The following DIP2C variants were observed in gnomAD, a reference collection of about 807,000 sequenced individuals.
DIP2C encodes the protein disco-interacting protein 2 homolog C.
In DIP2C, 33 loss-of-function variants were observed where a neutral mutation model predicts 192.4. The observed-to-expected ratio is 0.17, with a 90% CI of 0.13 to 0.23. The LOEUF is 0.23. Ranked by LOEUF, DIP2C falls within the 10% of genes least tolerant of loss-of-function variation. The pLI is 1.00. For synonymous variants in DIP2C, 979 were observed against 864.1 expected (o/e 1.13, Z -2.33); for missense variants, 1,537 against 2,110.1 (o/e 0.73, Z 5.32).
At chr10:543,845 T>C (rs1381903266) in intron 1 of DIP2C, among the ~76,000 whole-genome samples, 1 of 152,260 alleles carries the variant, frequency 6.6e-6, no homozygotes, top group Non-Finnish European at 1.5e-5. Flanking sequence ...TCACCACTAG[T>C]ATTTAATTCT....
chr10:566,512 G>C (rs115116850), intron 1 of DIP2C, among the ~76,000 whole-genome samples: 1,755 of 152,346 alleles, frequency 0.012, 42 homozygotes, highest in African/African-American at 0.04. Flanking sequence ...AGTTCAGTTA[G>C]ACTTTGACAC....
At position 568,726 on chromosome 10, in the gene DIP2C, ACTGCGCTCCAGC is replaced by A. The variant is rs1337704794; in HGVS notation, c.86-82208_86-82197del. ...GCTTGCAGTGAGTCGAGATCGCGCC[ACTGCGCTCCAGC>A]CTGGGCGACAGAGGGAAACTCCGTC... On this transcript the variant is annotated intron_variant, in intron 1 of 36. Transcript: ENST00000280886. Among the ~76,000 whole-genome samples the A allele has an allele frequency of 3.9e-5, 5 of 128,592 alleles. No individual in the cohort carries two copies. In the East Asian group the frequency reaches 1.4e-3, roughly 35 times the overall value. 84.4% of individuals were successfully genotyped at this position (128,592 alleles called of 152,430 possible).
chr10:414,732 TGTGTGTGTACATATATATATATATA>T (rs1965443086), intron 7 of DIP2C, among the ~76,000 whole-genome samples: 1 of 85,802 alleles, frequency 1.2e-5, no homozygotes. Context: ...TGTGTGTGTG[TGTGTGTGTACATATATATATATATA>T]ATGTGTATAT....
intron 36 of DIP2C, 146 bp from the exon 37 acceptor site, chr10:277,723 C>T (rs900227722): frequency 4.4e-6 from 5 of 1,129,658 alleles, no homozygotes; most frequent in African/African-American, 3.2e-5. Context: ...CTCCGTCTGC[C>T]GCCCACTAAT....
intron 14 of DIP2C, among the ~76,000 whole-genome samples, chr10:386,625 G>T (rs1449832624): frequency 6.6e-6 from 1 of 152,230 alleles, no homozygotes; most frequent in Non-Finnish European, 1.5e-5. Flanking sequence ...AGCCAGCCGG[G>T]CTGCTCTGCA....
chr10:577,569 G>T (rs1026373129), intron 1 of DIP2C, among the ~76,000 whole-genome samples: 1 of 152,194 alleles, frequency 6.6e-6, no homozygotes, highest in South Asian at 2.1e-4. Flanking sequence ...AACTCTGAAT[G>T]CTCAGAGGAA....
At position 548,173 on chromosome 10, in the gene DIP2C, G is replaced by A. The variant is rs191564648; in HGVS notation, c.86-61643C>T. Among the ~76,000 whole-genome samples, 97 of 141,198 alleles carry A rather than the reference G, an allele frequency of 6.9e-4. 2 individuals carry two copies. The highest frequency in any genetic ancestry group is 2.5e-3 in the African/African-American group (96 of 38,692). The allele number at this position is 141,198 out of a possible 152,430, so 92.6% of individuals were successfully genotyped here. On this transcript the variant is annotated intron_variant, in intron 1 of 36. Transcript: ENST00000280886. ...GCACCTAAAACAAGGATTCCTGGAA[G>A]CACCTTTTCAGTCCAATTCACACGA...
Position 399,187 on chromosome 10 carries a change from A to G in DIP2C, c.1182T>C (p.Ala394=). ...VALVFPNNDP[A]AFMAAFYGCL... Reference sequence around the variant, plus strand: ...AGCCGTAGAAAGCCGCCATGAAGGCAGCCGGATCATTGTTGGGGAACACCA... The same window carrying G: ...AGCCGTAGAAAGCCGCCATGAAGGCGGCCGGATCATTGTTGGGGAACACCA... Residue 394 remains alanine, a synonymous_variant, in exon 10 of 37, where the codon GCT becomes GCC. Transcript: ENST00000280886. The G allele has an allele frequency of 1.2e-6, 2 of 1,614,122 alleles. No homozygotes were observed. The highest frequency in any genetic ancestry group is 1.7e-6 in the Non-Finnish European group (2 of 1,180,042).
intron 1 of DIP2C, among the ~76,000 whole-genome samples, chr10:647,931 C>A (rs1855563871): frequency 6.6e-6 from 1 of 151,378 alleles, no homozygotes; most frequent in Non-Finnish European, 1.5e-5. Flanking sequence ...AATCCACGTC[C>A]ACATTTGATG....
intron 1 of DIP2C, among the ~76,000 whole-genome samples, chr10:650,634 G>A (rs1026514576): frequency 2.6e-5 from 4 of 152,220 alleles, no homozygotes; most frequent in Non-Finnish European, 4.4e-5. Flanking sequence ...GCCGAGGGCC[G>A]GAGGCGGGGA....
At chr10:448,721 C>T (rs1257734938) in intron 3 of DIP2C, among the ~76,000 whole-genome samples, 9 of 143,086 alleles carry the variant, frequency 6.3e-5, no homozygotes, top group African/African-American at 2.1e-4. Context: ...CGCTCACTCC[C>T]ATCAATACTC....
At chr10:541,057 CCACAACACCCGATGCTGG>C (rs1847957922) in intron 1 of DIP2C, among the ~76,000 whole-genome samples, 1 of 128,734 alleles carries the variant, frequency 7.8e-6, no homozygotes, top group Non-Finnish European at 1.6e-5. Flanking sequence ...TGCTGGGGAG[CCACAACACCCGATGCTGG>C]GGAGCCACAA....
At chr10:529,201 G>T (rs574495457) in intron 1 of DIP2C, among the ~76,000 whole-genome samples, 1 of 152,122 alleles carries the variant, frequency 6.6e-6, no homozygotes, top group East Asian at 1.9e-4. Context: ...CCATAGACCC[G>T]GTCTTCCTCT....
chr10:439,238 T>C (rs1479613033), intron 4 of DIP2C, among the ~76,000 whole-genome samples: 1 of 151,230 alleles, frequency 6.6e-6, no homozygotes, highest in Non-Finnish European at 1.5e-5. Flanking sequence ...CCAACAACCT[T>C]GCTAGCACGG....
chr10:599,978 C>T (rs969101634), intron 1 of DIP2C, among the ~76,000 whole-genome samples: 8 of 152,128 alleles, frequency 5.3e-5, no homozygotes, highest in African/African-American at 1.9e-4. Flanking sequence ...AGGACTCTCT[C>T]TAGGCCTTAG....
At chr10:432,101 T>C (rs561636056) in intron 4 of DIP2C, among the ~76,000 whole-genome samples, 1 of 152,162 alleles carries the variant, frequency 6.6e-6, no homozygotes, top group Admixed American at 6.5e-5. Context: ...TTTTTTACAC[T>C]GTTGGATTTA....
At chr10:622,713 C>T (rs1049238701) in intron 1 of DIP2C, among the ~76,000 whole-genome samples, 6 of 152,200 alleles carry the variant, frequency 3.9e-5, no homozygotes, top group Non-Finnish European at 7.3e-5. Context: ...CCCCTTACCA[C>T]AGTAACGTCA....
chr10:520,995 TATTA>T (rs1846670562), intron 1 of DIP2C, among the ~76,000 whole-genome samples: 1 of 152,230 alleles, frequency 6.6e-6, no homozygotes, highest in South Asian at 2.1e-4. Flanking sequence ...CTCTGACATC[TATTA>T]ATCAAATGGA....
intron 6 of DIP2C, 24 bp downstream of exon 6, chr10:419,041 A>C: frequency 6.2e-7 from 1 of 1,614,128 alleles, no homozygotes; most frequent in Non-Finnish European, 8.5e-7. Flanking sequence ...CCAGAAAAAA[A>C]CGCATCTCTC....
Sources: allele counts gnomAD v4.1 joint callset (sites outside exome capture counted in the v4.1 genomes callset), GRCh38; gene constraint gnomAD v4.1.1; transcripts MANE v1.5; gene names NCBI Gene and HGNC (gene_info 2026-07-23, HGNC 2026-07-21).